The following ANKHD1 variants were observed in gnomAD, a reference collection of about 807,000 sequenced individuals.
The protein encoded by ANKHD1 is ankyrin repeat and KH domain containing 1, also known as ankyrin repeat and KH domain-containing protein 1.
Under a neutral mutation model 230.5 loss-of-function variants are expected in ANKHD1, and 31 were observed. The ratio of observed to expected loss-of-function variants is 0.13; its 90% CI spans 0.10 to 0.18. The LOEUF (loss-of-function observed/expected upper bound fraction) is 0.18. Among genes scored for constraint, ANKHD1 ranks in the 10% least tolerant of loss-of-function variants. The pLI is 1.00. For missense variants in ANKHD1, 2,256 were observed against 3,071.3 expected (o/e 0.73, Z 6.27); for synonymous variants, 1,074 against 1,117.6 (o/e 0.96, Z 0.78).
At chr5:140,500,664 A>G (rs943269860) in intron 15 of ANKHD1, among the ~76,000 whole-genome samples, 17 of 148,852 alleles carry the variant, frequency 1.1e-4, no homozygotes, top group South Asian at 2.1e-4. Context: ...AAAAAAAAAA[A>G]AAAAAGAAAA....
chr5:140,505,851 T>C lies in ANKHD1; in HGVS notation c.3390T>C (p.Cys1130=). 2.5e-6 allele frequency: 4 copies of C among 1,592,820 alleles called. No individual in the cohort carries two copies. The highest frequency in any genetic ancestry group is 1.4e-5 in the African/African-American group (1 of 73,340). ...AGGATACTCCGCTTTCATTGGCATG[T>C]TCTGGTGGACGTCAGGAGGTGTGTT... ...RTKDTPLSLA[C]SGGRQEVVDL... The change falls in exon 18 of 34, where the codon TGT becomes TGC. Residue 1130 remains cysteine (C), a synonymous_variant. Coordinates refer to ENST00000360839, the MANE Select transcript of ANKHD1 (RefSeq NM_017747.3).
intron 1 of ANKHD1, among the ~76,000 whole-genome samples, chr5:140,423,548 A>G (rs887662258): frequency 6.6e-6 from 1 of 152,156 alleles, no homozygotes. Context: ...ATGTTCTGTA[A>G]ACTCGCCAAG....
In ANKHD1 at chr5:140,458,305, C is replaced by G. The variant is rs1286138329; in HGVS notation, c.1243-320C>G. Among the ~76,000 whole-genome samples, 39 of 152,136 alleles carry G rather than the reference C, an allele frequency of 2.6e-4. 1 individual carries two copies. The highest frequency in any genetic ancestry group is 2.6e-3 in the Admixed American group (39 of 15,254). On this transcript the variant is annotated intron_variant, in intron 7 of 33. Coordinates refer to ENST00000360839, the MANE Select transcript of ANKHD1 (RefSeq NM_017747.3). ...GAGGTAGCATTGACTATAGATTTCA[C>G]AGTTTTTTGAACTTCAAAAAATGGA...
In ANKHD1 at chr5:140,527,802, C is replaced by G. The variant is rs1753669196; in HGVS notation, c.5088-71C>G. On this transcript the variant is annotated intron_variant, in intron 27 of 33. Coordinates refer to ENST00000360839, the MANE Select transcript of ANKHD1 (RefSeq NM_017747.3). This position sits in a 1 kb window ranked among gnomAD's most constrained non-coding sequence, Gnocchi z 4.5. ...ATTCTCCAAAATGTCCATGAACATA[C>G]TTACTAAGACATCTTTCTTAATAAA... The G allele has an allele frequency of 6.8e-7, 1 of 1,472,938 alleles. No individual in the cohort carries two copies. Among genetic ancestry groups the G allele is most frequent in the Non-Finnish European group, 9.0e-7 (1 of 1,110,080 alleles). 91.2% of individuals were successfully genotyped at this position (1,472,938 alleles called of 1,614,324 possible). A position where few individuals can be genotyped will look rare whatever the true frequency, so the allele number is the denominator to read the frequency against.
chr5:140,518,472 A>G (rs1346603479), intron 24 of ANKHD1, among the ~76,000 whole-genome samples: 1 of 150,496 alleles, frequency 6.6e-6, no homozygotes. Flanking sequence ...AAAGCCGGGC[A>G]GAGACACAAC....
At chr5:140,464,190 C>A (rs1231908848) in intron 9 of ANKHD1, among the ~76,000 whole-genome samples, 6 of 150,232 alleles carry the variant, frequency 4.0e-5, no homozygotes, top group Admixed American at 4.0e-4. Flanking sequence ...TGAGTCATGC[C>A]ACTGCACTCC....
At chr5:140,461,448 T>G (rs115865673) in intron 9 of ANKHD1, among the ~76,000 whole-genome samples, 2,116 of 152,284 alleles carry the variant, frequency 0.014, 38 homozygotes, top group African/African-American at 0.043. Context: ...GAAGTGCTTC[T>G]TACAGTGTGG....
chr5:140,537,684 A>T (rs1475067704), intron 31 of ANKHD1, 95 bp downstream of exon 31: 17 of 1,443,894 alleles, frequency 1.2e-5, no homozygotes, highest in African/African-American at 5.7e-5. Context: ...AAACAAAAAA[A>T]ACTTAGTTCC....
At chr5:140,513,619 G>A (rs77093431) in intron 24 of ANKHD1, 140 bp downstream of exon 24, 46,481 of 727,532 alleles carry the variant, frequency 0.064, 1,762 homozygotes, top group Middle Eastern at 0.099. Context: ...GACCAGCCTT[G>A]CTAACAAGGT....
chr5:140,436,248 G>A lies in ANKHD1; in HGVS notation c.451G>A (p.Glu151Lys). The A allele has an allele frequency of 6.4e-7, 1 of 1,566,180 alleles. No homozygotes were observed. Among genetic ancestry groups the A allele is most frequent in the Non-Finnish European group, 8.6e-7 (1 of 1,160,124 alleles). Residue 151 changes from glutamate (E) to lysine (K), a missense_variant, in exon 2 of 34, where the codon GAA becomes AAA. Glu to Lys is a moderately conservative substitution (Grantham distance 56, BLOSUM62 1). Transcript: ENST00000360839. ...ETQARLEALL[E>K]AAGIGKLSTA... ...ACAGGCACGACTAGAAGCATTGCTA[G>A]AAGCAGCAGGTACTTTATTTTTTGT...
At chr5:140,408,790 C>T (rs1770689454) in intron 1 of ANKHD1, among the ~76,000 whole-genome samples, 1 of 152,130 alleles carries the variant, frequency 6.6e-6, no homozygotes, top group Non-Finnish European at 1.5e-5. Context: ...ATGGTCATAA[C>T]TCTATGTGGT....
In ANKHD1 at chr5:140,527,028, A is replaced by C. The variant is rs745587137; in HGVS notation, c.5041A>C (p.Lys1681Gln). Residue 1681 changes from lysine to glutamine, a missense_variant, in exon 27 of 34, where the codon AAA becomes CAA. Physicochemically the swap from Lys to Gln is moderately conservative, Grantham distance 53. This residue lies in a region of ANKHD1 where 212 missense variants were observed against 257.3 expected (regional missense o/e 0.82). Transcript: ENST00000360839. The surrounding 1 kb of genome is among the most constrained non-coding windows in gnomAD (Gnocchi z 4.5). ...PNIKLNLTSP[K>Q]RGQKREEGWK... ...CATAAAGCTGAATCTCACTAGCCCT[A>C]AAAGGGGTCAGAAAAGAGAAGAAGG... 6.2e-7 allele frequency: 1 copy of C among 1,613,502 alleles called. No individual in the cohort carries two copies. The highest frequency in any genetic ancestry group is 2.2e-5 in the East Asian group (1 of 44,768).
chr5:140,509,607 CTT>C, intron 20 of ANKHD1, 28 bp from the exon 21 acceptor site: 1 of 1,474,912 alleles, frequency 6.8e-7, no homozygotes, highest in Non-Finnish European at 9.0e-7. Context: ...AGAAATGTAA[CTT>C]AGTTGCATAA....
At chr5:140,524,276 C>A (rs749727260) in intron 25 of ANKHD1, 36 bp downstream of exon 25, 4 of 1,528,644 alleles carry the variant, frequency 2.6e-6, no homozygotes, top group African/African-American at 2.8e-5. Context: ...CGATAAAATT[C>A]TCCTTTGTTT....
In ANKHD1 at chr5:140,527,397, G is replaced by T; in HGVS notation, c.5087+323G>T. On this transcript the variant is annotated intron_variant, in intron 27 of 33. Coordinates refer to ENST00000360839, the MANE Select transcript of ANKHD1 (RefSeq NM_017747.3). The surrounding 1 kb of genome is among the most constrained non-coding windows in gnomAD (Gnocchi z 4.5). ...ACTAAAGTACTAATAATCAACTTTAGATTCAGAATACATGTCAGCTCATCA... is the reference window on the plus strand; with the variant it reads ...ACTAAAGTACTAATAATCAACTTTATATTCAGAATACATGTCAGCTCATCA... 1 of 251,544 alleles carries T rather than the reference G, an allele frequency of 4.0e-6. No individual in the cohort carries two copies. Among genetic ancestry groups the T allele is most frequent in the Non-Finnish European group, 7.6e-6 (1 of 131,018 alleles). 15.6% of individuals were successfully genotyped at this position (251,544 alleles called of 1,614,324 possible). A position where few individuals can be genotyped will look rare whatever the true frequency, so the allele number is the denominator to read the frequency against.
chr5:140,529,368 G>A lies in ANKHD1; in HGVS notation c.6422G>A (p.Gly2141Asp). 1 of 1,614,148 alleles carries A rather than the reference G, an allele frequency of 6.2e-7. No individual in the cohort carries two copies. Residue 2141 changes from glycine to aspartate, a missense_variant, in exon 29 of 34, where the codon GGT (glycine) becomes GAT (aspartate). Gly to Asp is a moderately conservative substitution (Grantham distance 94). Around this residue, in one of 13 missense-constraint regions of ANKHD1, gnomAD observed 778 missense variants for 966.5 expected, o/e 0.80. Transcript: ENST00000360839. Reference protein sequence around the residue: ...PRVSHRMQPRGSFYSMVPNAT... With the variant: ...PRVSHRMQPRDSFYSMVPNAT... Reference sequence around the variant, plus strand: ...GTTTCTCATCGAATGCAGCCCAGAGGTTCTTTTTACTCCATGGTACCAAAT... The same window carrying A: ...GTTTCTCATCGAATGCAGCCCAGAGATTCTTTTTACTCCATGGTACCAAAT...
Position 140,449,275 on chromosome 5 carries a change from G to A in ANKHD1, c.1212G>A (p.Glu404=). 1 of 1,613,620 alleles carries A rather than the reference G, an allele frequency of 6.2e-7. No individual in the cohort carries two copies. The highest frequency in any genetic ancestry group is 8.5e-7 in the Non-Finnish European group (1 of 1,179,746). Residue 404 remains glutamate (E), a synonymous_variant, in exon 7 of 34, where the codon GAG becomes GAA. Transcript: ENST00000360839. The part of the protein sequence containing the change: ...AGADQEHKTD[E]MHTALMEACM... ...CAGATCAAGAGCACAAAACAGATGAGATGCACACTGCCTTAATGGAGGCCT... is the reference window on the plus strand; with the variant it reads ...CAGATCAAGAGCACAAAACAGATGAAATGCACACTGCCTTAATGGAGGCCT...
At chr5:140,462,552 A>G (rs1775776632) in intron 9 of ANKHD1, among the ~76,000 whole-genome samples, 1 of 151,718 alleles carries the variant, frequency 6.6e-6, no homozygotes, top group African/African-American at 2.4e-5. Flanking sequence ...GTGAAACCCC[A>G]TCTCTACTAA....
In ANKHD1 at chr5:140,509,763, A is replaced by G. The variant is rs1415285698; in HGVS notation, c.3892A>G (p.Ile1298Val). Reference protein sequence around the residue: ...VPSSRDTALTIAADKGHYKFC... With the variant: ...VPSSRDTALTVAADKGHYKFC... ...TTCCTCAAGAGATACTGCTTTAACA[A>G]TAGCAGCAGACAAAGGTCACTACAA... Residue 1298 changes from isoleucine (I) to valine (V), a missense_variant, in exon 21 of 34, where the codon ATA (isoleucine) becomes GTA (valine). Coordinates refer to ENST00000360839, the MANE Select transcript of ANKHD1 (RefSeq NM_017747.3). The G allele has an allele frequency of 6.2e-7, 1 of 1,612,684 alleles. No homozygotes were observed. The highest frequency in any genetic ancestry group is 1.1e-5 in the South Asian group (1 of 90,562).
Sources: gnomAD v4.1 joint callset for allele counts (sites outside exome capture counted in the v4.1 genomes callset) on GRCh38, gnomAD v4.1.1 for gene constraint, gnomAD v4.1.1 regional missense constraint, Gnocchi (gnomAD v3.1) non-coding constraint, MANE v1.5 for transcripts, NCBI Gene and HGNC (gene_info 2026-07-23, HGNC 2026-07-21) for gene names.